ZNF423: variants seen among roughly 807,000 people sequenced by gnomAD.
ZNF423 encodes the protein zinc finger protein 423.
ZNF423 carries 12 observed loss-of-function variants against 95.8 expected under a neutral mutation model. That is an observed-to-expected ratio of 0.13 (90% CI 0.08 to 0.20). The LOEUF (loss-of-function observed/expected upper bound fraction) is 0.20. Among genes scored for constraint, ZNF423 ranks in the 10% least tolerant of loss-of-function variants. The probability of loss-of-function intolerance (pLI) is 1.00; values close to 1 mark genes in which losing one functional copy is unlikely to be tolerated. For missense variants in ZNF423, 1,316 were observed against 1,737.1 expected, an observed-to-expected ratio of 0.76 and a Z score of 4.31; for synonymous variants, 749 against 711.9, an observed-to-expected ratio of 1.05 and a Z score of -0.83.
intron 5 of ZNF423, among the ~76,000 whole-genome samples, chr16:49,535,153 C>T (rs574352137): frequency 6.6e-6 from 1 of 152,304 alleles, no homozygotes; most frequent in South Asian, 2.1e-4. Flanking sequence ...ACCTGAAAGG[C>T]CTCAGAGCCC....
intron 1 of ZNF423, among the ~76,000 whole-genome samples, chr16:49,811,705 G>T (rs2034755077): frequency 6.6e-6 from 1 of 152,132 alleles, no homozygotes; most frequent in Admixed American, 6.5e-5. Flanking sequence ...ATGGGTTAAA[G>T]TCTGAGTTGG....
intron 1 of ZNF423, among the ~76,000 whole-genome samples, chr16:49,822,412 G>A (rs7197221): frequency 1.3e-5 from 2 of 152,060 alleles, no homozygotes; most frequent in African/African-American, 2.4e-5. Flanking sequence ...GACCTCAGGC[G>A]ATCCACCTGC....
chr16:49,639,105 T>TCA (rs1189686704), intron 3 of ZNF423, among the ~76,000 whole-genome samples: 3 of 152,234 alleles, frequency 2.0e-5, no homozygotes, highest in Non-Finnish European at 4.4e-5. Flanking sequence ...CCTTTTCCCT[T>TCA]CACAACACTT....
intron 2 of ZNF423, among the ~76,000 whole-genome samples, chr16:49,748,616 G>C (rs539798656): frequency 6.6e-6 from 1 of 152,326 alleles, no homozygotes; most frequent in African/African-American, 2.4e-5. Flanking sequence ...ATCACACCGG[G>C]TGACATCACC....
At chr16:49,675,099 G>A (rs1036712499) in intron 3 of ZNF423, among the ~76,000 whole-genome samples, 1 of 152,150 alleles carries the variant, frequency 6.6e-6, no homozygotes, top group Non-Finnish European at 1.5e-5. Flanking sequence ...GACCAGGGTT[G>A]GAAAGATAAC....
intron 2 of ZNF423, among the ~76,000 whole-genome samples, chr16:49,755,491 A>G (rs892812744): frequency 3.9e-5 from 6 of 152,192 alleles, no homozygotes; most frequent in Admixed American, 1.3e-4. Context: ...CTTACCAGAC[A>G]TGGCTAATAA....
intron 7 of ZNF423, 31 bp from the exon 8 acceptor site, chr16:49,491,335 AAGG>A (rs914716751): frequency 1.9e-6 from 3 of 1,613,628 alleles, no homozygotes; most frequent in African/African-American, 2.7e-5. Context: ...GACACACATG[AAGG>A]AGAAGAATGG....
intron 2 of ZNF423, among the ~76,000 whole-genome samples, chr16:49,760,937 C>CAT (rs57987879): frequency 6.6e-5 from 10 of 151,302 alleles, no homozygotes; most frequent in South Asian, 2.1e-4. Context: ...CACACACACA[C>CAT]GTACACACAC....
At chr16:49,856,765 G>A (rs1204012514), upstream of ZNF423, among the ~76,000 whole-genome samples, 3 of 147,658 alleles carry the variant, frequency 2.0e-5, no homozygotes, top group Non-Finnish European at 4.5e-5. Flanking sequence ...CCGGGCCGCC[G>A]CTGCCTGCCC....
At chr16:49,553,837 C>T (rs1298541092) in intron 5 of ZNF423, among the ~76,000 whole-genome samples, 1 of 152,178 alleles carries the variant, frequency 6.6e-6, no homozygotes, top group Admixed American at 6.5e-5. Flanking sequence ...TCTCTCATAA[C>T]ATTTTCATTA....
chr16:49,847,572 A>T, intron 1 of ZNF423: 1 of 151,950 alleles, frequency 6.6e-6, no homozygotes, highest in East Asian at 1.9e-4. Context: ...CTAGCCTTGG[A>T]CAATCCAATC....
chr16:49,783,632 G>C (rs1247400563), intron 2 of ZNF423, among the ~76,000 whole-genome samples: 3 of 144,886 alleles, frequency 2.1e-5, no homozygotes, highest in South Asian at 2.3e-4. Flanking sequence ...GGGAGAGAGG[G>C]GGGGTTAGGG....
At chr16:49,695,085 G>A (rs769042034) in intron 3 of ZNF423, among the ~76,000 whole-genome samples, 7 of 152,142 alleles carry the variant, frequency 4.6e-5, no homozygotes, top group South Asian at 2.1e-4. Context: ...CAGCTCAGGC[G>A]AAGGATCCCT....
chr16:49,812,915 G>A (rs2034776162), intron 1 of ZNF423, among the ~76,000 whole-genome samples: 1 of 152,084 alleles, frequency 6.6e-6, no homozygotes, highest in South Asian at 2.1e-4. Flanking sequence ...GGAGGACAGT[G>A]GGTGGCTGGG....
At chr16:49,749,699 T>C (rs901791102) in intron 2 of ZNF423, among the ~76,000 whole-genome samples, 7 of 151,692 alleles carry the variant, frequency 4.6e-5, no homozygotes, top group Non-Finnish European at 7.4e-5. Context: ...CTTCCAGGGA[T>C]CGTTTTGAGA....
At position 49,491,085 on chromosome 16, in the gene ZNF423, G is replaced by A. The variant is rs1966937269; in HGVS notation, c.*190C>T. 3 of 656,538 alleles carry A rather than the reference G, an allele frequency of 4.6e-6. No individual in the cohort carries two copies. Among genetic ancestry groups the A allele is most frequent in the Non-Finnish European group, 8.1e-6 (3 of 371,840 alleles). The allele number at this position is 656,538 out of a possible 1,614,324, so 40.7% of individuals were successfully genotyped here. On this transcript the variant is annotated 3_prime_UTR_variant, in exon 8 of 8. Coordinates refer to ENST00000563137, the MANE Select transcript of ZNF423 (RefSeq NM_001379286.1). Reference sequence around the variant, plus strand: ...CAGGACAATAAAAAATACTGAGCATGGAATACTTTTAATCTCTGCCATTAA... The same window carrying A: ...CAGGACAATAAAAAATACTGAGCATAGAATACTTTTAATCTCTGCCATTAA...
At chr16:49,585,102 C>A (rs1408976456) in intron 5 of ZNF423, among the ~76,000 whole-genome samples, 3 of 152,204 alleles carry the variant, frequency 2.0e-5, no homozygotes, top group African/African-American at 7.2e-5. Flanking sequence ...CCCCAGCCAC[C>A]CTCTTTCTAA....
chr16:49,622,907 T>A (rs1972133429), intron 5 of ZNF423, among the ~76,000 whole-genome samples: 1 of 152,042 alleles, frequency 6.6e-6, no homozygotes, highest in Non-Finnish European at 1.5e-5. Flanking sequence ...ATGTGCAGTG[T>A]CTTCTATGGG....
rs747658068 is a variant in ZNF423 at position 49,513,664 on chromosome 16, TGGATGGATGGAC to T, written c.3849+9948_3849+9959del. Among the ~76,000 whole-genome samples the T allele has an allele frequency of 8.2e-3, 1,123 of 136,246 alleles. 9 individuals are homozygous for T. The highest frequency in any genetic ancestry group is 0.043 in the East Asian group (195 of 4,566). 89.4% of individuals were successfully genotyped at this position (136,246 alleles called of 152,430 possible). On this transcript the variant is annotated intron_variant, in intron 7 of 7. Transcript: ENST00000563137. Reference sequence around the variant, plus strand: ...ATGGATGGATGGATGGATGGATGGATGGATGGATGGACGGACGGATGGCAAAGGGTGTCTTCA... The same window carrying T: ...ATGGATGGATGGATGGATGGATGGATGGACGGATGGCAAAGGGTGTCTTCA...
Sources: allele counts gnomAD v4.1 joint callset (sites outside exome capture counted in the v4.1 genomes callset), GRCh38; gene constraint gnomAD v4.1.1; transcripts MANE v1.5; gene names NCBI Gene and HGNC (gene_info 2026-07-23, HGNC 2026-07-21).